The following C19orf44 variants were observed in gnomAD, a reference collection of about 807,000 sequenced individuals.
C19orf44 encodes the protein uncharacterized protein C19orf44.
A neutral mutation model predicts 50.7 loss-of-function variants in C19orf44; 43 were observed. That is an observed-to-expected ratio of 0.85 (90% confidence interval 0.66 to 1.09). The LOEUF (loss-of-function observed/expected upper bound fraction) is 1.09. Ranked by LOEUF, C19orf44 falls within the 50% of genes least tolerant of loss-of-function variation. The probability of loss-of-function intolerance (pLI) is 0.00; values close to 1 mark genes in which losing one functional copy is unlikely to be tolerated. For synonymous variants in C19orf44, 298 were observed against 334.7 expected, an observed-to-expected ratio of 0.89 and a Z score of 1.20; for missense variants, 722 against 836.2, an observed-to-expected ratio of 0.86 and a Z score of 1.68.
At position 16,510,512 on chromosome 19, in the gene C19orf44, G is replaced by A. The variant is rs184385113; in HGVS notation, c.1639+524G>A. On this transcript the variant is annotated intron_variant, in intron 5 of 8. Coordinates refer to ENST00000221671, the MANE Select transcript of C19orf44 (RefSeq NM_032207.4). ...CTTCCTAGCCCTGAAGCATTCAGAAGGATCAGAACCAAGGACTAGGGTAGC... is the reference window on the plus strand; with the variant it reads ...CTTCCTAGCCCTGAAGCATTCAGAAAGATCAGAACCAAGGACTAGGGTAGC... 4.4e-4 allele frequency among the ~76,000 whole-genome samples: 67 copies of A among 152,266 alleles called. 1 individual carries two copies. The highest frequency in any genetic ancestry group is 1.5e-3 in the African/African-American group (64 of 41,556).
intron 3 of C19orf44, among the ~76,000 whole-genome samples, chr19:16,503,672 C>T (rs748942806): frequency 1.3e-5 from 2 of 152,170 alleles, no homozygotes; most frequent in African/African-American, 2.4e-5. Context: ...TCAAGCAATC[C>T]GCCTGCCTCA....
At chr19:16,508,733 G>T (rs2093447523) in intron 4 of C19orf44, among the ~76,000 whole-genome samples, 2 of 152,196 alleles carry the variant, frequency 1.3e-5, no homozygotes, top group South Asian at 4.2e-4. Flanking sequence ...CAGAGGTAGG[G>T]TCTTGCTATG....
intron 3 of C19orf44, 71 bp downstream of exon 3, chr19:16,503,451 G>T: frequency 6.8e-7 from 1 of 1,474,098 alleles, no homozygotes; most frequent in South Asian, 1.3e-5. Flanking sequence ...AGTCCCTGAC[G>T]CAGTGGTCAT....
Position 16,509,557 on chromosome 19 carries a change from C to T in C19orf44, c.1208C>T (p.Thr403Ile). The T allele has an allele frequency of 6.2e-7, 1 of 1,601,200 alleles. No homozygotes were observed. Among genetic ancestry groups the T allele is most frequent in the Non-Finnish European group, 8.5e-7 (1 of 1,173,354 alleles). ...AAAATCTTCAGAGCCGAGGCGTCCA[C>T]TGGGCAGGATGCCCCGAGGCAGGCC... is the stretch of plus-strand genomic sequence containing the variant. The part of the protein sequence containing the change: ...AGKIFRAEAS[T>I]GQDAPRQAQA... Residue 403 changes from threonine to isoleucine, a missense_variant, in exon 5 of 9, where the codon ACT becomes ATT. By Grantham distance (89) the Thr-to-Ile change is moderately conservative. Transcript: ENST00000221671.
chr19:16,518,210 TC>T (rs2122232917), intron 8 of C19orf44: 1 of 152,162 alleles, frequency 6.6e-6, no homozygotes, highest in South Asian at 2.1e-4. Context: ...TGGCCTCCCC[TC>T]CCTTCGGGGG....
intron 4 of C19orf44, among the ~76,000 whole-genome samples, chr19:16,508,401 C>T (rs973201337): frequency 6.6e-6 from 1 of 152,098 alleles, no homozygotes; most frequent in African/African-American, 2.4e-5. Flanking sequence ...CCATGCCTGG[C>T]CCAATTTATT....
chr19:16,500,513 T>G (rs185916255), intron 1 of C19orf44, among the ~76,000 whole-genome samples: 16 of 151,840 alleles, frequency 1.1e-4, no homozygotes, highest in African/African-American at 2.9e-4. Flanking sequence ...TCCAGCTAAT[T>G]TTTGTATTTT....
intron 5 of C19orf44, among the ~76,000 whole-genome samples, chr19:16,512,570 G>T (rs192180937): frequency 6.6e-6 from 1 of 151,968 alleles, no homozygotes; most frequent in Non-Finnish European, 1.5e-5. Flanking sequence ...GAAAGGGGAA[G>T]AGGGTAAAAA....
chr19:16,505,555 C>T (rs2093438228), intron 3 of C19orf44, among the ~76,000 whole-genome samples: 1 of 152,156 alleles, frequency 6.6e-6, no homozygotes, highest in South Asian at 2.1e-4. Context: ...GGCAGCCACG[C>T]TCCTTCCTTT....
chr19:16,502,306 C>T (rs551312880), intron 2 of C19orf44, among the ~76,000 whole-genome samples: 5 of 142,938 alleles, frequency 3.5e-5, no homozygotes, highest in South Asian at 2.2e-4. Flanking sequence ...GGCCTGATCT[C>T]GGCTCACTGC....
chr19:16,516,562 T>A (rs888811712), intron 7 of C19orf44, among the ~76,000 whole-genome samples: 2 of 152,242 alleles, frequency 1.3e-5, no homozygotes, highest in African/African-American at 4.8e-5. Context: ...CTATCCGATA[T>A]GTCCTTTGAG....
Position 16,504,823 on chromosome 19 carries a change from C to CTT in C19orf44, c.1075+1455_1075+1456dup, listed in dbSNP as rs201354846. On this transcript the variant is annotated intron_variant, in intron 3 of 8. Transcript: ENST00000221671. ...GTTTCACCATGTTGGTGAGGCTGGT[C>CTT]TTTTTTTTTTTTTGAGATGACATCT... 6.8e-4 allele frequency among the ~76,000 whole-genome samples: 94 copies of CTT among 138,280 alleles called. 1 individual carries two copies. Among genetic ancestry groups the CTT allele is most frequent in the African/African-American group, 1.2e-3 (46 of 37,342 alleles). The allele number at this position is 138,280 out of a possible 152,430, so 90.7% of individuals were successfully genotyped here.
At chr19:16,513,191 T>G (rs2093462739) in intron 6 of C19orf44, 82 bp downstream of exon 6, 2 of 1,387,086 alleles carry the variant, frequency 1.4e-6, no homozygotes, top group Non-Finnish European at 2.0e-6. Context: ...ACTCTGGAGG[T>G]GTGGCACCCC....
At position 16,514,401 on chromosome 19, in the gene C19orf44, A is replaced by G. The variant is rs2093465848; in HGVS notation, c.1736-96A>G. On this transcript the variant is annotated intron_variant, in intron 6 of 8. Transcript: ENST00000221671. ...CCTGTCTCCAGAAAAAAAAAAAAAG[A>G]TTTCAGAGAGCAGCCTGGCACCTGA... 3.1e-5 allele frequency: 36 copies of G among 1,148,506 alleles called. 1 individual carries two copies. In the South Asian group the frequency reaches 5.5e-4, roughly 18 times the overall value. 71.1% of individuals were successfully genotyped at this position (1,148,506 alleles called of 1,614,324 possible). A position where few individuals can be genotyped will look rare whatever the true frequency, so the allele number is the denominator to read the frequency against.
In C19orf44 at chr19:16,501,075, A is replaced by G. The variant is rs142529945; in HGVS notation, c.283A>G (p.Met95Val). The change falls in exon 2 of 9, where the codon ATG becomes GTG. Residue 95 changes from methionine (M) to valine (V), a missense_variant. Physicochemically the swap from Met to Val is conservative, Grantham distance 21. Transcript: ENST00000221671. ...ASRIRANAAL[M>V]KLAQLETRIM... ...CAGGATCCGAGCCAATGCCGCACTC[A>G]TGAAGCTGGCCCAGCTGGAAACCCG... 97 of 1,614,014 alleles carry G rather than the reference A, an allele frequency of 6.0e-5. No individual in the cohort carries two copies. In the African/African-American group the frequency reaches 1.3e-3, roughly 21 times the overall value.
chr19:16,504,341 ATTTT>A (rs1568493934), intron 3 of C19orf44, among the ~76,000 whole-genome samples: 1 of 151,854 alleles, frequency 6.6e-6, no homozygotes, highest in Admixed American at 6.6e-5. Flanking sequence ...TTGCTGTACT[ATTTT>A]TTTGTTTTTT....
At chr19:16,516,754 C>T (rs970619190) in intron 7 of C19orf44, among the ~76,000 whole-genome samples, 3 of 152,228 alleles carry the variant, frequency 2.0e-5, no homozygotes, top group Non-Finnish European at 4.4e-5. Flanking sequence ...CCAGGCCTCT[C>T]GTTTCCTTGT....
intron 5 of C19orf44, among the ~76,000 whole-genome samples, chr19:16,510,455 C>T (rs973018009): frequency 2.6e-5 from 4 of 152,012 alleles, no homozygotes; most frequent in South Asian, 2.1e-4. Context: ...CTTCCATGGA[C>T]GAGGGACAGC....
chr19:16,516,841 G>A (rs1467396248), intron 7 of C19orf44, among the ~76,000 whole-genome samples: 1 of 152,196 alleles, frequency 6.6e-6, no homozygotes, highest in African/African-American at 2.4e-5. Context: ...GCAGCCCTCT[G>A]GGGGCTTTGA....
Sources: allele counts gnomAD v4.1 joint callset (sites outside exome capture counted in the v4.1 genomes callset), GRCh38; gene constraint gnomAD v4.1.1; transcripts MANE v1.5; gene names NCBI Gene and HGNC (gene_info 2026-07-23, HGNC 2026-07-21).